The following CHUK variants were observed in gnomAD, a reference collection of about 807,000 sequenced individuals.
The protein encoded by CHUK is inhibitor of nuclear factor kappa-B kinase subunit alpha.
Under a neutral mutation model 104.8 loss-of-function variants are expected in CHUK, and 35 were observed. The observed-to-expected ratio is 0.33, with a 90% CI of 0.26 to 0.44. The LOEUF (loss-of-function observed/expected upper bound fraction) is 0.44. Ranked by LOEUF, CHUK falls within the 20% of genes least tolerant of loss-of-function variation. CHUK has a pLI of 1.00. For synonymous variants in CHUK, 276 were observed against 291.9 expected (o/e 0.95, Z 0.56); for missense variants, 663 against 902.7 (o/e 0.73, Z 3.40).
At chr10:100,196,460 C>T (rs1845332218) in intron 16 of CHUK, among the ~76,000 whole-genome samples, 1 of 149,642 alleles carries the variant, frequency 6.7e-6, no homozygotes, top group Non-Finnish European at 1.5e-5. Flanking sequence ...AATCTTGGCT[C>T]ACTGCAGCCT....
chr10:100,223,300 T>C (rs1846031848), intron 2 of CHUK, among the ~76,000 whole-genome samples: 1 of 152,174 alleles, frequency 6.6e-6, no homozygotes, highest in African/African-American at 2.4e-5. Context: ...AGGAGAAAAT[T>C]GAAGCACAAA....
At chr10:100,194,754 A>G in intron 16 of CHUK, 2 of 339,286 alleles carry the variant, frequency 5.9e-6, no homozygotes, top group Non-Finnish European at 1.1e-5. Flanking sequence ...TAAATTTATC[A>G]GTAAGAGACC....
chr10:100,203,822 A>G (rs1057002136), intron 13 of CHUK, among the ~76,000 whole-genome samples: 1 of 152,208 alleles, frequency 6.6e-6, no homozygotes, highest in African/African-American at 2.4e-5. Flanking sequence ...TTATTTACAG[A>G]AAAGTAAGCA....
At chr10:100,188,222 CT>C (rs1845115380), downstream of CHUK, 1 of 152,332 alleles carries the variant, frequency 6.6e-6, no homozygotes, top group Admixed American at 6.5e-5. Context: ...CCAATACTAC[CT>C]TTACCATAAG....
intron 1 of CHUK, among the ~76,000 whole-genome samples, chr10:100,226,719 TTC>T (rs1378229411): frequency 6.6e-6 from 1 of 152,238 alleles, no homozygotes; most frequent in Non-Finnish European, 1.5e-5. Context: ...TACACTATGT[TTC>T]TGATATCACA....
chr10:100,219,373 A>C lies in CHUK; in HGVS notation c.475-14T>G. ...TTTATGTATTATCTGCAAAATAATA[A>C]GACAGATTAAGTATTAAATGGTAGA... On this transcript the variant is annotated splice_polypyrimidine_tract_variant and intron_variant, in intron 5 of 20. Transcript: ENST00000370397. 7.8e-7 allele frequency: 1 copy of C among 1,279,944 alleles called. No homozygotes were observed. Among genetic ancestry groups the C allele is most frequent in the Non-Finnish European group, 1.1e-6 (1 of 876,040 alleles). 79.3% of individuals were successfully genotyped at this position (1,279,944 alleles called of 1,614,324 possible). A position where few individuals can be genotyped will look rare whatever the true frequency, so the allele number is the denominator to read the frequency against.
intron 9 of CHUK, among the ~76,000 whole-genome samples, chr10:100,217,077 G>C (rs944619474): frequency 3.4e-5 from 5 of 145,404 alleles, no homozygotes; most frequent in Admixed American, 2.7e-4. Context: ...TGGATATCCA[G>C]GCAGAAGGAT....
At chr10:100,224,406 C>A (rs1384344598) in intron 2 of CHUK, among the ~76,000 whole-genome samples, 10 of 152,058 alleles carry the variant, frequency 6.6e-5, no homozygotes, top group Admixed American at 1.3e-4. Context: ...TAAATGTTTG[C>A]TATTTTAAGC....
At chr10:100,224,663 C>T (rs1190371344) in intron 2 of CHUK, among the ~76,000 whole-genome samples, 1 of 151,924 alleles carries the variant, frequency 6.6e-6, no homozygotes, top group Non-Finnish European at 1.5e-5. Context: ...TCTCAAACTC[C>T]TGACCTCAGG....
chr10:100,210,656 C>A (rs1175701783), intron 9 of CHUK, among the ~76,000 whole-genome samples: 1 of 152,204 alleles, frequency 6.6e-6, no homozygotes, highest in Non-Finnish European at 1.5e-5. Flanking sequence ...AAGAAATCAT[C>A]TGATAGAAGA....
chr10:100,221,495 A>G (rs1253129897), intron 4 of CHUK, among the ~76,000 whole-genome samples: 2 of 152,132 alleles, frequency 1.3e-5, no homozygotes, highest in Non-Finnish European at 2.9e-5. Context: ...ATGTAATTCC[A>G]CTGTAAACAA....
rs1389055357 is a variant in CHUK at position 100,193,712 on chromosome 10, T to G, written c.1974+272A>C. 10 of 593,142 alleles carry G rather than the reference T, an allele frequency of 1.7e-5. No individual in the cohort carries two copies. In the South Asian group the frequency reaches 1.8e-4, roughly 11 times the overall value. The allele number at this position is 593,142 out of a possible 1,614,324, so 36.7% of individuals were successfully genotyped here. ...TGAATAGATGGTCAATTTCATTATC[T>G]AGGCAGGTACATCTATCCCCAAGTT... On this transcript the variant is annotated intron_variant, in intron 18 of 20. Transcript: ENST00000370397.
chr10:100,195,946 ATTT>A (rs201965940), intron 16 of CHUK: 1 of 150,810 alleles, frequency 6.6e-6, no homozygotes, highest in South Asian at 2.1e-4. Flanking sequence ...GGGAGTCAGA[ATTT>A]TTTTTTTGAA....
chr10:100,202,152 A>G lies in CHUK; in HGVS notation c.1508-3T>C. 1 of 1,605,302 alleles carries G rather than the reference A, an allele frequency of 6.2e-7. No individual in the cohort carries two copies. Among genetic ancestry groups the G allele is most frequent in the Non-Finnish European group, 8.5e-7 (1 of 1,172,586 alleles). ...TGCTTTTAGCATTTTTTCTGAAGCT[A>G]AAAGAAAAGTCTAAATTGGTTATCT... is the stretch of plus-strand genomic sequence containing the variant. On this transcript the variant is annotated splice_polypyrimidine_tract_variant and splice_region_variant and intron_variant, in intron 13 of 20. Transcript: ENST00000370397.
chr10:100,195,388 G>A (rs1369764547), intron 16 of CHUK: 2 of 152,152 alleles, frequency 1.3e-5, no homozygotes, highest in Non-Finnish European at 2.9e-5. Context: ...GAAATGATGA[G>A]CATCAAAGGA....
chr10:100,216,211 T>A (rs956840809), intron 9 of CHUK, among the ~76,000 whole-genome samples: 5 of 152,210 alleles, frequency 3.3e-5, no homozygotes, highest in Admixed American at 6.5e-5. Context: ...ATGACAAGTA[T>A]GAAACAAATG....
intron 18 of CHUK, 103 bp from the exon 19 acceptor site, chr10:100,193,534 T>A: frequency 2.3e-6 from 3 of 1,303,574 alleles, no homozygotes; most frequent in Non-Finnish European, 3.3e-6. Flanking sequence ...CGTTACTACT[T>A]ATATGCACAA....
Position 100,229,594 on chromosome 10 carries a change from G to A in CHUK, c.-62C>T. On this transcript the variant is annotated 5_prime_UTR_variant, in exon 1 of 21. Coordinates refer to ENST00000370397, the MANE Select transcript of CHUK (RefSeq NM_001278.5). ...GTTCCAAGGCCGGTTCCGGGCCGCC[G>A]ATGCTCGCGCGTCTTTGTTCTCGCG... The A allele has an allele frequency of 8.2e-6, 8 of 974,150 alleles. No individual in the cohort carries two copies. Among genetic ancestry groups the A allele is most frequent in the South Asian group, 1.5e-5 (1 of 66,148 alleles). The allele number at this position is 974,150 out of a possible 1,614,324, so 60.3% of individuals were successfully genotyped here.
chr10:100,194,543 G>C (rs1243491075), intron 16 of CHUK, 22 bp from the exon 17 acceptor site: 3 of 1,496,204 alleles, frequency 2.0e-6, no homozygotes, highest in African/African-American at 1.4e-5. Flanking sequence ...ATCAGTCAGT[G>C]GATATAACCT....
Sources: allele counts gnomAD v4.1 joint callset (sites outside exome capture counted in the v4.1 genomes callset), GRCh38; gene constraint gnomAD v4.1.1; transcripts MANE v1.5; gene names NCBI Gene and HGNC (gene_info 2026-07-23, HGNC 2026-07-21).